The following TBC1D5 variants were observed in gnomAD, a reference collection of about 807,000 sequenced individuals.
The protein encoded by TBC1D5 is TBC1 domain family member 5.
TBC1D5 carries 75 observed loss-of-function variants against 100.3 expected under a neutral mutation model. The ratio of observed to expected loss-of-function variants is 0.75; its 90% CI spans 0.62 to 0.91. The LOEUF is 0.91. Ranked by LOEUF, TBC1D5 falls within the 40% of genes least tolerant of loss-of-function variation. The pLI is 0.00. For missense variants in TBC1D5, 910 were observed against 942.4 expected (o/e 0.97, Z 0.45); for synonymous variants, 323 against 325.6 (o/e 0.99, Z 0.09).
chr3:17,346,879 A>C (rs2089954390), intron 13 of TBC1D5, among the ~76,000 whole-genome samples: 1 of 152,172 alleles, frequency 6.6e-6, no homozygotes, highest in Non-Finnish European at 1.5e-5. Context: ...TAATATTAAC[A>C]CACATAAGCA....
chr3:17,461,941 TATC>T (rs1220744587), intron 3 of TBC1D5, among the ~76,000 whole-genome samples: 1 of 152,200 alleles, frequency 6.6e-6, no homozygotes, highest in Non-Finnish European at 1.5e-5. Flanking sequence ...TTTAATGTCT[TATC>T]ATTTTCTCTC....
chr3:17,307,503 C>T (rs2083514841), intron 14 of TBC1D5, among the ~76,000 whole-genome samples: 1 of 152,124 alleles, frequency 6.6e-6, no homozygotes, highest in Admixed American at 6.6e-5. Context: ...CAGCACTGTA[C>T]TGAGAAATGT....
chr3:17,219,052 T>G (rs1175795482), intron 17 of TBC1D5, among the ~76,000 whole-genome samples: 5 of 151,750 alleles, frequency 3.3e-5, no homozygotes, highest in Non-Finnish European at 5.9e-5. Flanking sequence ...GTTATTATGC[T>G]TCATGGTGTT....
In TBC1D5 at chr3:17,428,374, T is replaced by C. The variant is rs557934455; in HGVS notation, c.167+76A>G. On this transcript the variant is annotated intron_variant, in intron 4 of 21. Coordinates refer to ENST00000253692, the Ensembl canonical transcript of TBC1D5. The stretch of plus-strand genomic sequence containing the variant: ...AAACCCTATATAATTATATATCTTA[T>C]ACATTATCTTATAATATTATATGTG... 6 of 467,676 alleles carry C rather than the reference T, an allele frequency of 1.3e-5. No individual in the cohort carries two copies. The East Asian group carries it at 3.9e-4, about 30-fold the overall frequency. The allele number at this position is 467,676 out of a possible 1,614,324, so 29.0% of individuals were successfully genotyped here. A position where few individuals can be genotyped will look rare whatever the true frequency, so the allele number is the denominator to read the frequency against.
chr3:17,196,445 A>G (rs917371750), intron 18 of TBC1D5, among the ~76,000 whole-genome samples: 1 of 152,224 alleles, frequency 6.6e-6, no homozygotes, highest in African/African-American at 2.4e-5. Flanking sequence ...GCTTGGTTTA[A>G]GGGAAGTGAA....
intron 13 of TBC1D5, among the ~76,000 whole-genome samples, chr3:17,344,998 C>A (rs1178283283): frequency 6.6e-6 from 1 of 152,194 alleles, no homozygotes; most frequent in African/African-American, 2.4e-5. Flanking sequence ...ATTCACAGGA[C>A]ATAGGCATGG....
chr3:17,656,255 C>T (rs2153730823), intron 1 of TBC1D5, among the ~76,000 whole-genome samples: 1 of 152,328 alleles, frequency 6.6e-6, no homozygotes, highest in Admixed American at 6.5e-5. Flanking sequence ...GCACCAGGCT[C>T]AGGGTCATCA....
intron 3 of TBC1D5, among the ~76,000 whole-genome samples, chr3:17,488,277 T>C (rs923539145): frequency 6.6e-6 from 1 of 152,230 alleles, no homozygotes; most frequent in African/African-American, 2.4e-5. Flanking sequence ...TATGTGCTTT[T>C]AAGGTTCCTC....
chr3:17,617,971 G>A (rs1443032371), intron 2 of TBC1D5, among the ~76,000 whole-genome samples: 1 of 152,200 alleles, frequency 6.6e-6, no homozygotes, highest in African/African-American at 2.4e-5. Flanking sequence ...TTTTGGAGGA[G>A]AACAGGCGCT....
At chr3:17,309,648 C>T (rs1022937672) in intron 13 of TBC1D5, among the ~76,000 whole-genome samples, 1 of 151,618 alleles carries the variant, frequency 6.6e-6, no homozygotes, top group Admixed American at 6.6e-5. Flanking sequence ...AAAAAAAATA[C>T]TTCTCCACAC....
chr3:17,391,134 T>G (rs2152320733), intron 8 of TBC1D5, among the ~76,000 whole-genome samples: 2 of 152,258 alleles, frequency 1.3e-5, no homozygotes, highest in Admixed American at 1.3e-4. Flanking sequence ...TCCACTGGGA[T>G]TGTGCTGCTC....
exon 22 of TBC1D5, chr3:17,158,899 G>A (rs2065808276): frequency 6.6e-6 from 1 of 151,248 alleles, no homozygotes; most frequent in Non-Finnish European, 1.5e-5. Flanking sequence ...CCAGAGCCCT[G>A]GTGGGAACAG....
chr3:17,196,189 G>T (rs905907756), intron 18 of TBC1D5, among the ~76,000 whole-genome samples: 3 of 152,202 alleles, frequency 2.0e-5, no homozygotes, highest in African/African-American at 7.2e-5. Context: ...AACATTTGCA[G>T]ATTACGTAGG....
At chr3:17,187,672 A>G (rs1269460844) in intron 18 of TBC1D5, among the ~76,000 whole-genome samples, 3 of 152,252 alleles carry the variant, frequency 2.0e-5, no homozygotes, top group Admixed American at 6.5e-5. Flanking sequence ...ATGAGGAAAC[A>G]TAAGTTCTAT....
intron 3 of TBC1D5, among the ~76,000 whole-genome samples, chr3:17,433,073 T>G (rs1007987784): frequency 2.7e-5 from 4 of 145,528 alleles, no homozygotes; most frequent in Non-Finnish European, 6.0e-5. Context: ...TGGAAGAGGG[T>G]AGCTACTTTC....
chr3:17,690,098 AAGG>A (rs2153826547), intron 1 of TBC1D5, among the ~76,000 whole-genome samples: 1 of 152,292 alleles, frequency 6.6e-6, no homozygotes, highest in African/African-American at 2.4e-5. Context: ...AAAACATAAC[AAGG>A]AGTAGATTGT....
chr3:17,161,957 G>GAGAT lies in TBC1D5; in HGVS notation c.2095-705_2095-702dup, dbSNP rs143926093. 4.0e-4 allele frequency among the ~76,000 whole-genome samples: 61 copies of GAGAT among 152,334 alleles called. 1 individual carries two copies. In the East Asian group the frequency reaches 0.011, roughly 27 times the overall value. ...GCAAAGTATAATGGCAAAAAGTATA[G>GAGAT]AGATAGAATTGGTTTACTCAAAAAT... On this transcript the variant is annotated intron_variant, in intron 21 of 21. Transcript: ENST00000253692.
intron 14 of TBC1D5, among the ~76,000 whole-genome samples, chr3:17,303,310 C>T (rs1402264400): frequency 6.6e-6 from 1 of 152,228 alleles, no homozygotes; most frequent in Non-Finnish European, 1.5e-5. Context: ...TGCCTCTATG[C>T]ATCAATCATG....
chr3:17,216,306 C>T (rs1193905232), intron 17 of TBC1D5, among the ~76,000 whole-genome samples: 2 of 152,096 alleles, frequency 1.3e-5, no homozygotes, highest in Admixed American at 6.6e-5. Context: ...ATGGTCTACC[C>T]ATTTCCAGTC....
Sources: allele counts gnomAD v4.1 joint callset (sites outside exome capture counted in the v4.1 genomes callset), GRCh38; gene constraint gnomAD v4.1.1; transcripts MANE v1.5; gene names NCBI Gene and HGNC (gene_info 2026-07-23, HGNC 2026-07-21).